Variants in SLC30A8 observed in about 807,000 individuals in gnomAD.
SLC30A8 encodes the protein proton-coupled zinc antiporter SLC30A8.
SLC30A8 carries 27 observed loss-of-function variants against 36.9 expected under a neutral mutation model. That is an observed-to-expected ratio of 0.73 (90% CI 0.54 to 1.01). SLC30A8 has a LOEUF of 1.01. SLC30A8 is among the 50% of genes least tolerant of loss of function. SLC30A8 has a pLI of 0.00. For missense variants in SLC30A8, 439 were observed against 452.0 expected (o/e 0.97, Z 0.26); for synonymous variants, 164 against 172.4 (o/e 0.95, Z 0.38).
chr8:117,117,037 G>A (rs1820472195), intron 2 of SLC30A8, among the ~76,000 whole-genome samples: 1 of 151,946 alleles, frequency 6.6e-6, no homozygotes, highest in South Asian at 2.1e-4. Context: ...AGAAATGCCT[G>A]AGACTAAAAA....
chr8:117,156,329 C>T (rs367681896), intron 3 of SLC30A8, among the ~76,000 whole-genome samples: 9 of 152,302 alleles, frequency 5.9e-5, no homozygotes, highest in South Asian at 2.1e-4. Flanking sequence ...AGGCATGAGC[C>T]GCCGCACCCA....
chr8:117,000,544 T>C (rs1434166218), intron 1 of SLC30A8, among the ~76,000 whole-genome samples: 2 of 152,226 alleles, frequency 1.3e-5, no homozygotes, highest in East Asian at 3.8e-4. Context: ...GATCTAGACA[T>C]TTGTTGACTT....
At chr8:117,045,803 C>T (rs1409434581) in intron 2 of SLC30A8, among the ~76,000 whole-genome samples, 1 of 152,170 alleles carries the variant, frequency 6.6e-6, no homozygotes, top group South Asian at 2.1e-4. Context: ...TGGACACTAA[C>T]GTGAATCTGA....
intron 2 of SLC30A8, among the ~76,000 whole-genome samples, chr8:117,126,393 C>T (rs557960023): frequency 4.6e-5 from 7 of 151,910 alleles, no homozygotes; most frequent in African/African-American, 1.7e-4. Flanking sequence ...AATCATTTAT[C>T]CCCATTTTAT....
At chr8:116,990,491 AC>A (rs1337290680) in intron 1 of SLC30A8, among the ~76,000 whole-genome samples, 2 of 152,218 alleles carry the variant, frequency 1.3e-5, no homozygotes, top group Admixed American at 1.3e-4. Context: ...ATAAGAAAGC[AC>A]AAGCAAAAAT....
chr8:117,039,400 T>A (rs886710072), intron 2 of SLC30A8: 3 of 152,358 alleles, frequency 2.0e-5, no homozygotes, highest in East Asian at 1.9e-4. Context: ...ATGGCTTACA[T>A]CTTTCTTAAT....
Position 117,157,759 on chromosome 8 carries a change from T to G in SLC30A8, c.487T>G (p.Cys163Gly). The part of the protein sequence containing the change: ...VVTGVLVYLA[C>G]ERLLYPDYQI... ...GACTGGCGTGCTAGTGTACCTGGCATGTGAGCGCCTGCTGTATCCTGATTA... is the reference window on the plus strand; with the variant it reads ...GACTGGCGTGCTAGTGTACCTGGCAGGTGAGCGCCTGCTGTATCCTGATTA... Residue 163 changes from cysteine (C) to glycine (G), a missense_variant, in exon 4 of 8, where the codon TGT becomes GGT. Cys to Gly is a radical substitution (Grantham distance 159). Coordinates refer to ENST00000456015, the MANE Select transcript of SLC30A8 (RefSeq NM_173851.3). 6.2e-7 allele frequency: 1 copy of G among 1,614,116 alleles called. No individual in the cohort carries two copies. Among genetic ancestry groups the G allele is most frequent in the Non-Finnish European group, 8.5e-7 (1 of 1,179,990 alleles).
At chr8:116,985,214 G>T (rs985491707) in intron 1 of SLC30A8, among the ~76,000 whole-genome samples, 1 of 151,258 alleles carries the variant, frequency 6.6e-6, no homozygotes, top group Admixed American at 6.6e-5. Flanking sequence ...ATTTCCTGGG[G>T]TAGCTACTAT....
intron 1 of SLC30A8, among the ~76,000 whole-genome samples, chr8:116,975,259 A>G (rs1814951465): frequency 6.6e-6 from 1 of 152,198 alleles, no homozygotes; most frequent in South Asian, 2.1e-4. Flanking sequence ...CACAAATTGA[A>G]GCTAGCAGAG....
At chr8:116,975,195 A>G (rs1410256167) in intron 1 of SLC30A8, among the ~76,000 whole-genome samples, 2 of 152,204 alleles carry the variant, frequency 1.3e-5, no homozygotes, top group Non-Finnish European at 2.9e-5. Flanking sequence ...TAATAAAAAA[A>G]GATAAGCTCT....
At chr8:117,106,763 C>T (rs920518018) in intron 2 of SLC30A8, among the ~76,000 whole-genome samples, 1 of 152,184 alleles carries the variant, frequency 6.6e-6, no homozygotes, top group Admixed American at 6.6e-5. Flanking sequence ...TAGAACTCAA[C>T]TTTGCACACG....
intron 2 of SLC30A8, among the ~76,000 whole-genome samples, chr8:117,107,283 A>G (rs1315592452): frequency 6.6e-6 from 1 of 152,192 alleles, no homozygotes; most frequent in Non-Finnish European, 1.5e-5. Flanking sequence ...TATTAAATAT[A>G]GCCCATGAAG....
rs150097218 is a variant in SLC30A8 at position 117,113,484 on chromosome 8, G to A, written c.-225-21796G>A. Among the ~76,000 whole-genome samples, 943 of 152,182 alleles carry A rather than the reference G, an allele frequency of 6.2e-3. 3 individuals carry two copies. The highest frequency in any genetic ancestry group is 0.011 in the Non-Finnish European group (732 of 68,008). On this transcript the variant is annotated intron_variant, in intron 2 of 10. Transcript: ENST00000427715. ...AGTGTAAGTGTTATCCAAAAGTAAG[G>A]TATTGCTATTGTAACATTTAAGATT... is the stretch of plus-strand genomic sequence containing the variant.
intron 2 of SLC30A8, among the ~76,000 whole-genome samples, chr8:117,092,059 CTTCTTT>C (rs777665154): frequency 1.4e-4 from 22 of 152,106 alleles, no homozygotes; most frequent in Non-Finnish European, 2.5e-4. Context: ...ACAACGCATC[CTTCTTT>C]TTCTTTACTC....
chr8:116,977,696 G>C (rs528275272), intron 1 of SLC30A8, among the ~76,000 whole-genome samples: 1 of 151,966 alleles, frequency 6.6e-6, no homozygotes, highest in South Asian at 2.1e-4. Context: ...ATGTTAAGTA[G>C]AGATGGGATT....
chr8:117,148,930 A>C (rs1298259506), intron 2 of SLC30A8, among the ~76,000 whole-genome samples: 1 of 152,186 alleles, frequency 6.6e-6, no homozygotes, highest in East Asian at 1.9e-4. Flanking sequence ...TCAATTCTAA[A>C]TATATTTCAG....
intron 2 of SLC30A8, among the ~76,000 whole-genome samples, chr8:117,120,816 C>A (rs184345575): frequency 7.7e-4 from 117 of 151,800 alleles, no homozygotes; most frequent in African/African-American, 2.7e-3. Context: ...AAAAAAGGGG[C>A]AAAGGGCTTG....
intron 1 of SLC30A8, among the ~76,000 whole-genome samples, chr8:116,977,584 T>G (rs1303828759): frequency 1.3e-5 from 2 of 150,214 alleles, no homozygotes; most frequent in African/African-American, 4.9e-5. Context: ...CGATCTCTGC[T>G]CACTGCAACC....
chr8:116,963,966 A>G (rs969065665), intron 1 of SLC30A8, among the ~76,000 whole-genome samples: 2 of 152,234 alleles, frequency 1.3e-5, no homozygotes, highest in African/African-American at 4.8e-5. Flanking sequence ...GAGGATTAAT[A>G]ACCTTTGTGA....
Sources: allele counts gnomAD v4.1 joint callset (sites outside exome capture counted in the v4.1 genomes callset), GRCh38; gene constraint gnomAD v4.1.1; transcripts MANE v1.5; gene names NCBI Gene and HGNC (gene_info 2026-07-23, HGNC 2026-07-21).